CSNK1G1: variants seen among roughly 807,000 people sequenced by gnomAD.
CSNK1G1 encodes the protein casein kinase I isoform gamma-1.
In CSNK1G1, 22 loss-of-function variants were observed where a neutral mutation model predicts 59.6. The ratio of observed to expected loss-of-function variants is 0.37; its 90% CI spans 0.26 to 0.53. CSNK1G1 has a LOEUF of 0.53. CSNK1G1 is among the 20% of genes least tolerant of loss of function. The probability of loss-of-function intolerance (pLI) is 0.89; values close to 1 mark genes in which losing one functional copy is unlikely to be tolerated. For missense variants in CSNK1G1, 384 were observed against 519.5 expected (o/e 0.74, Z 2.54); for synonymous variants, 179 against 177.1 (o/e 1.01, Z -0.08).
At chr15:64,352,429 A>G (rs1231856108) in intron 1 of CSNK1G1, among the ~76,000 whole-genome samples, 1 of 146,550 alleles carries the variant, frequency 6.8e-6, no homozygotes. Context: ...ACTATCACAA[A>G]ACATAATTTG....
chr15:64,204,613 C>A (rs756776559), intron 8 of CSNK1G1, 24 bp from the exon 9 acceptor site: 1 of 1,608,916 alleles, frequency 6.2e-7, no homozygotes, highest in South Asian at 1.1e-5. Context: ...GATGAAAGGC[C>A]CTGCTCATTA....
intron 4 of CSNK1G1, among the ~76,000 whole-genome samples, chr15:64,223,739 T>C (rs1596118869): frequency 6.6e-6 from 1 of 152,212 alleles, no homozygotes; most frequent in East Asian, 1.9e-4. Context: ...TTGTATATTT[T>C]TCTTAGTACT....
intron 4 of CSNK1G1, among the ~76,000 whole-genome samples, chr15:64,243,250 C>T (rs553192592): frequency 4.6e-5 from 7 of 152,002 alleles, no homozygotes; most frequent in African/African-American, 2.4e-5. Context: ...GCAGGAGAAT[C>T]GCTTGAACCA....
intron 1 of CSNK1G1, among the ~76,000 whole-genome samples, chr15:64,337,548 C>T (rs534369164): frequency 2.6e-5 from 4 of 152,152 alleles, no homozygotes; most frequent in South Asian, 2.1e-4. Context: ...TTGCCTAGGC[C>T]GGTCTCAAAC....
intron 1 of CSNK1G1, among the ~76,000 whole-genome samples, chr15:64,335,361 T>TA (rs922122055): frequency 6.6e-6 from 1 of 152,078 alleles, no homozygotes; most frequent in Non-Finnish European, 1.5e-5. Flanking sequence ...GGCATAAAAA[T>TA]AAAGTACCAC....
At chr15:64,304,179 G>C (rs1222927874) in intron 1 of CSNK1G1, among the ~76,000 whole-genome samples, 2 of 151,896 alleles carry the variant, frequency 1.3e-5, no homozygotes, top group Non-Finnish European at 2.9e-5. Flanking sequence ...CCTGAGGTCA[G>C]GAGTTCAAAA....
intron 4 of CSNK1G1, among the ~76,000 whole-genome samples, chr15:64,233,344 TTC>T (rs748155319): frequency 6.7e-6 from 1 of 148,508 alleles, no homozygotes; most frequent in Non-Finnish European, 1.5e-5. Flanking sequence ...AAAGGACAGA[TTC>T]TCTCTCTCTC....
At chr15:64,207,693 A>C in intron 6 of CSNK1G1, 99 bp from the exon 7 acceptor site, 1 of 842,098 alleles carries the variant, frequency 1.2e-6, no homozygotes, top group South Asian at 1.4e-5. Flanking sequence ...GGCTCTGGAA[A>C]GGCTCTGCTT....
At chr15:64,303,616 G>A (rs765519455) in intron 1 of CSNK1G1, among the ~76,000 whole-genome samples, 11 of 152,004 alleles carry the variant, frequency 7.2e-5, no homozygotes, top group Non-Finnish European at 1.2e-4. Flanking sequence ...GCCAGGCGTG[G>A]TTGTGCATGC....
intron 10 of CSNK1G1, among the ~76,000 whole-genome samples, chr15:64,192,874 TCAC>T (rs1369266775): frequency 1.4e-5 from 1 of 70,708 alleles, no homozygotes; most frequent in African/African-American, 5.7e-5. Flanking sequence ...AAAAAAAAAA[TCAC>T]CAAATCCTAT....
At chr15:64,268,688 G>T (rs547180085) in intron 2 of CSNK1G1, among the ~76,000 whole-genome samples, 48 of 152,138 alleles carry the variant, frequency 3.2e-4, no homozygotes, top group East Asian at 1.7e-3. Flanking sequence ...GCTAACTGGG[G>T]TGTTTAAATT....
chr15:64,202,282 C>T (rs1026797480), intron 10 of CSNK1G1, among the ~76,000 whole-genome samples: 13 of 152,136 alleles, frequency 8.5e-5, no homozygotes, highest in Non-Finnish European at 1.6e-4. Context: ...AAAGTACCTA[C>T]CATTCTTAAC....
At chr15:64,233,547 G>T (rs562510571) in intron 4 of CSNK1G1, among the ~76,000 whole-genome samples, 8 of 152,248 alleles carry the variant, frequency 5.3e-5, no homozygotes, top group South Asian at 2.1e-4. Context: ...CATTATATAT[G>T]AATATCTCTT....
rs558351478 is a variant in CSNK1G1, at chr15:64,216,977, T to A, written c.293-264A>T. Among the ~76,000 whole-genome samples the A allele has an allele frequency of 2.6e-4, 39 of 152,350 alleles. No individual in the cohort carries two copies. The South Asian group carries it at 8.1e-3, about 32-fold the overall frequency. ...AGTGCCAAAAACATTTCCACTGCTA[T>A]AAGATAGAGAATGGTCCCTGATCCA... On this transcript the variant is annotated intron_variant, in intron 4 of 11. Transcript: ENST00000303052. The surrounding 1 kb of genome is among the most constrained non-coding windows in gnomAD (Gnocchi z 4.6).
chr15:64,190,831 C>T (rs1053279655), intron 10 of CSNK1G1, among the ~76,000 whole-genome samples: 2 of 152,188 alleles, frequency 1.3e-5, no homozygotes, highest in African/African-American at 4.8e-5. Context: ...ATATCTATAA[C>T]TAAACCTATC....
intron 4 of CSNK1G1, among the ~76,000 whole-genome samples, chr15:64,223,357 G>A (rs759016444): frequency 3.9e-4 from 59 of 152,196 alleles, no homozygotes; most frequent in Non-Finnish European, 7.6e-4. Flanking sequence ...GGGGAGAAGG[G>A]CAGATCCTTA....
chr15:64,207,247 T>C (rs1404468426), intron 7 of CSNK1G1, among the ~76,000 whole-genome samples: 1 of 152,200 alleles, frequency 6.6e-6, no homozygotes, highest in African/African-American at 2.4e-5. Context: ...AATTAGCCAA[T>C]AATCCTTTTT....
At chr15:64,300,855 T>C (rs1333926118) in intron 1 of CSNK1G1, 132 bp from the exon 2 acceptor site, 1 of 460,770 alleles carries the variant, frequency 2.2e-6, no homozygotes, top group Non-Finnish European at 3.5e-6. Flanking sequence ...GTTTTGGTTT[T>C]CTATCCTCCA....
At position 64,356,008 on chromosome 15, in the gene CSNK1G1, G is replaced by A. The variant is rs1898655838; in HGVS notation, c.-245C>T. On this transcript the variant is annotated 5_prime_UTR_variant, in exon 1 of 12. Coordinates refer to ENST00000303052, the MANE Select transcript of CSNK1G1 (RefSeq NM_022048.5). Reference sequence around the variant, plus strand: ...GATACCTGGTCCAGCAGTGCTGCAAGGCGCAAATGAGGCGGGCGCGGTCCC... The same window carrying A: ...GATACCTGGTCCAGCAGTGCTGCAAAGCGCAAATGAGGCGGGCGCGGTCCC... 6.6e-6 allele frequency: 1 copy of A among 151,996 alleles called. No individual in the cohort carries two copies. Among genetic ancestry groups the A allele is most frequent in the African/African-American group, 2.4e-5 (1 of 41,310 alleles). 9.4% of individuals were successfully genotyped at this position (151,996 alleles called of 1,614,324 possible). A position where few individuals can be genotyped will look rare whatever the true frequency, so the allele number is the denominator to read the frequency against.
Sources: gnomAD v4.1 joint callset for allele counts (sites outside exome capture counted in the v4.1 genomes callset) on GRCh38, gnomAD v4.1.1 for gene constraint, Gnocchi (gnomAD v3.1) non-coding constraint, MANE v1.5 for transcripts, NCBI Gene and HGNC (gene_info 2026-07-23, HGNC 2026-07-21) for gene names.